Variants in ASTN2 observed in about 807,000 individuals in gnomAD.
The protein encoded by ASTN2 is astrotactin 2.
ASTN2 carries 54 observed loss-of-function variants against 139.8 expected under a neutral mutation model. The observed-to-expected ratio is 0.39, with a 90% CI of 0.31 to 0.48. The LOEUF is 0.48. Among genes scored for constraint, ASTN2 ranks in the 20% least tolerant of loss-of-function variants. The pLI, the probability that ASTN2 is intolerant of heterozygous loss-of-function variation, is 0.95. For synonymous variants in ASTN2, 756 were observed against 719.5 expected, an observed-to-expected ratio of 1.05 and a Z score of -0.81; for missense variants, 1,565 against 1,725.1, an observed-to-expected ratio of 0.91 and a Z score of 1.64.
At chr9:117,386,941 G>A (rs922516798) in intron 1 of ASTN2, among the ~76,000 whole-genome samples, 6 of 152,204 alleles carry the variant, frequency 3.9e-5, no homozygotes, top group Admixed American at 3.9e-4. Context: ...AAGAATGGGA[G>A]AAGCAGAACA....
chr9:117,117,984 T>A (rs974142351), intron 4 of ASTN2, among the ~76,000 whole-genome samples: 6 of 151,882 alleles, frequency 4.0e-5, no homozygotes, highest in East Asian at 1.9e-4. Flanking sequence ...ATTAAAAAAA[T>A]AAATAAATAA....
At position 116,468,096 on chromosome 9, in the gene ASTN2, C is replaced by T. The variant is rs12004011; in HGVS notation, c.3497+19263G>A. On this transcript the variant is annotated intron_variant, in intron 20 of 22. Coordinates refer to ENST00000313400, the MANE Select transcript of ASTN2 (RefSeq NM_001365068.1). ...TGAGGACATGAAGCCGTGAATGACA[C>T]TATCATTATCAATACTTTACTTGCT... 5.0e-3 allele frequency among the ~76,000 whole-genome samples: 754 copies of T among 152,322 alleles called. 8 individuals carry two copies. The highest frequency in any genetic ancestry group is 0.017 in the African/African-American group (703 of 41,564).
At chr9:117,037,965 C>T (rs912766386) in intron 6 of ASTN2, among the ~76,000 whole-genome samples, 1 of 152,170 alleles carries the variant, frequency 6.6e-6, no homozygotes, top group Non-Finnish European at 1.5e-5. Flanking sequence ...ATATGACTCA[C>T]TAAAGATGAG....
intron 1 of ASTN2, among the ~76,000 whole-genome samples, chr9:117,391,949 T>C (rs1830553120): frequency 6.6e-6 from 1 of 152,120 alleles, no homozygotes; most frequent in Non-Finnish European, 1.5e-5. Flanking sequence ...AAATCTTAAA[T>C]CTCCAAAATG....
chr9:116,442,508 T>C lies in ASTN2; in HGVS notation c.3543A>G (p.Leu1181=), dbSNP rs759270555. 1.2e-6 allele frequency: 2 copies of C among 1,614,178 alleles called. No homozygotes were observed. The highest frequency in any genetic ancestry group is 1.7e-6 in the Non-Finnish European group (2 of 1,180,032). The change falls in exon 21 of 23, where the codon CTA becomes CTG. Residue 1181 remains leucine (L), a synonymous_variant. Transcript: ENST00000313400. ...AVDTRGRHSE[L]STVTLRTACP... is the part of the protein sequence containing the mutation. ...AGGCCGTCCTCAGGGTCACCGTGCT[T>C]AGCTCTGAGTGCCTCCCTCGTGTAT...
At chr9:116,967,581 G>C (rs1836049736) in intron 10 of ASTN2, among the ~76,000 whole-genome samples, 1 of 152,200 alleles carries the variant, frequency 6.6e-6, no homozygotes, top group African/African-American at 2.4e-5. Flanking sequence ...CCTACAATGT[G>C]TGCACACATA....
chr9:117,230,805 T>C (rs4838301), intron 2 of ASTN2, among the ~76,000 whole-genome samples: 65,448 of 152,030 alleles, frequency 0.43, 16,177 homozygotes, highest in East Asian at 0.68. Context: ...GGTAGCATCA[T>C]CAGCAATGAC....
intron 10 of ASTN2, among the ~76,000 whole-genome samples, chr9:116,894,575 G>T (rs1833838509): frequency 6.6e-6 from 1 of 152,118 alleles, no homozygotes. Flanking sequence ...CTGCAACTTT[G>T]ACCTCCCAGG....
chr9:116,777,836 CT>C (rs959970059), intron 13 of ASTN2, among the ~76,000 whole-genome samples: 7 of 146,712 alleles, frequency 4.8e-5, no homozygotes, highest in African/African-American at 1.3e-4. Context: ...ATTACTTTCT[CT>C]TTTTTTTGTT....
chr9:117,082,181 A>C (rs1314310869), intron 5 of ASTN2, among the ~76,000 whole-genome samples: 1 of 152,174 alleles, frequency 6.6e-6, no homozygotes, highest in Non-Finnish European at 1.5e-5. Flanking sequence ...TGGATGGCTC[A>C]CAGGCACCTC....
At chr9:116,769,237 G>A (rs1441749) in intron 13 of ASTN2, among the ~76,000 whole-genome samples, 60,260 of 152,090 alleles carry the variant, frequency 0.4, 13,821 homozygotes, top group Non-Finnish European at 0.52. Context: ...GTAAACAATG[G>A]TGCTAAATAA....
chr9:116,515,955 C>G (rs10983208), intron 19 of ASTN2, among the ~76,000 whole-genome samples: 26,994 of 152,076 alleles, frequency 0.18, 2,548 homozygotes, highest in African/African-American at 0.24. Context: ...TTCATTAGAC[C>G]TATGGTGGGG....
At chr9:116,948,848 A>C (rs1350380301) in intron 10 of ASTN2, among the ~76,000 whole-genome samples, 2 of 121,238 alleles carry the variant, frequency 1.6e-5, no homozygotes, top group African/African-American at 3.3e-5. Context: ...GCTGGAGTGC[A>C]ATGGCTCAAT....
intron 11 of ASTN2, among the ~76,000 whole-genome samples, chr9:116,843,347 C>T (rs1189091030): frequency 5.9e-5 from 9 of 152,102 alleles, no homozygotes; most frequent in Non-Finnish European, 1.0e-4. Flanking sequence ...AACTAAATAC[C>T]GCATGTTCTC....
At chr9:117,206,236 C>T (rs569256782) in intron 3 of ASTN2, among the ~76,000 whole-genome samples, 3 of 152,278 alleles carry the variant, frequency 2.0e-5, no homozygotes, top group African/African-American at 4.8e-5. Context: ...TAGAGTCACC[C>T]AGCCTCTGAA....
intron 3 of ASTN2, among the ~76,000 whole-genome samples, chr9:117,155,034 A>G (rs1830402516): frequency 6.6e-6 from 1 of 151,990 alleles, no homozygotes; most frequent in African/African-American, 2.4e-5. Context: ...GAAGAGGAGC[A>G]AAAGAAGAGT....
chr9:116,776,204 T>C, intron 13 of ASTN2, among the ~76,000 whole-genome samples: 1 of 152,186 alleles, frequency 6.6e-6, no homozygotes, highest in Admixed American at 6.5e-5. Flanking sequence ...TTCTATGTGA[T>C]CTTTTATGTG....
chr9:117,122,053 T>A (rs58178261), intron 4 of ASTN2, among the ~76,000 whole-genome samples: 26,111 of 151,904 alleles, frequency 0.17, 2,553 homozygotes, highest in Non-Finnish European at 0.22. Flanking sequence ...AGGATAAGAG[T>A]TCCTGGTGAT....
chr9:117,331,114 T>C (rs1828692490), intron 1 of ASTN2, among the ~76,000 whole-genome samples: 1 of 151,920 alleles, frequency 6.6e-6, no homozygotes, highest in Admixed American at 6.6e-5. Flanking sequence ...AGCAAGGGGG[T>C]ATTTGATAGT....
Sources: allele counts gnomAD v4.1 joint callset (sites outside exome capture counted in the v4.1 genomes callset), GRCh38; gene constraint gnomAD v4.1.1; transcripts MANE v1.5; gene names NCBI Gene and HGNC (gene_info 2026-07-23, HGNC 2026-07-21).